The following BACH2 variants were observed in gnomAD, a reference collection of about 807,000 sequenced individuals.
BACH2 encodes BACH transcriptional regulator 2, also known as transcription regulator protein BACH2.
A neutral mutation model predicts 61.8 loss-of-function variants in BACH2; 5 were observed. The ratio of observed to expected loss-of-function variants is 0.08; its 90% confidence interval spans 0.04 to 0.17. The LOEUF (loss-of-function observed/expected upper bound fraction) is 0.17, where lower values mean the gene tolerates loss of function less well. BACH2 is among the 10% of genes least tolerant of loss of function. The pLI is 1.00. For synonymous variants in BACH2, 446 were observed against 440.1 expected (o/e 1.01, Z -0.17); for missense variants, 824 against 1,091.1 (o/e 0.76, Z 3.45).
intron 6 of BACH2, among the ~76,000 whole-genome samples, chr6:89,981,343 G>A (rs908489338): frequency 7.9e-5 from 12 of 151,658 alleles, no homozygotes; most frequent in East Asian, 1.9e-4. Context: ...GGGTTTCACC[G>A]TGTTAGCCAG....
At chr6:90,203,391 CAAAAAAAAAAAAA>C (rs34539345) in intron 4 of BACH2, among the ~76,000 whole-genome samples, 2 of 59,790 alleles carry the variant, frequency 3.3e-5, no homozygotes, top group South Asian at 1.7e-3. Context: ...TCTCTCTCTC[CAAAAAAAAAAAAA>C]AAAAAAAAAA....
intron 5 of BACH2, among the ~76,000 whole-genome samples, chr6:90,056,681 A>G (rs1780372915): frequency 6.6e-6 from 1 of 152,146 alleles, no homozygotes; most frequent in Admixed American, 6.5e-5. Context: ...TCTTTTCAGC[A>G]CCACACCACA....
intron 5 of BACH2, among the ~76,000 whole-genome samples, chr6:90,039,254 T>G (rs1779410750): frequency 6.6e-6 from 1 of 152,220 alleles, no homozygotes; most frequent in Non-Finnish European, 1.5e-5. Context: ...TCTTGTAATT[T>G]TGTACACATA....
At chr6:90,012,233 G>A (rs1777763203) in intron 5 of BACH2, among the ~76,000 whole-genome samples, 1 of 152,102 alleles carries the variant, frequency 6.6e-6, no homozygotes, top group Admixed American at 6.6e-5. Flanking sequence ...AATTTTCACT[G>A]AGATTGTACT....
intron 6 of BACH2, among the ~76,000 whole-genome samples, chr6:89,958,467 G>C (rs962614804): frequency 1.3e-5 from 2 of 152,212 alleles, no homozygotes; most frequent in Non-Finnish European, 2.9e-5. Flanking sequence ...CTGTAAGACA[G>C]GGATACTGAC....
In BACH2 at chr6:90,034,721, G is replaced by T. The variant is rs574362704; in HGVS notation, c.-12-25865C>A. ...AAAGGTTAGAGAGCTGTGGTAATTT[G>T]CTATGTCATCCTCAGCTATATTAAT... On this transcript the variant is annotated intron_variant, in intron 5 of 8. Coordinates refer to ENST00000257749, the MANE Select transcript of BACH2 (RefSeq NM_021813.4). Among the ~76,000 whole-genome samples the T allele has an allele frequency of 1.7e-3, 253 of 152,206 alleles. 2 individuals carry two copies. Among genetic ancestry groups the T allele is most frequent in the African/African-American group, 5.9e-3 (247 of 41,542 alleles).
chr6:90,018,368 T>C (rs1467234535), intron 5 of BACH2, among the ~76,000 whole-genome samples: 1 of 152,224 alleles, frequency 6.6e-6, no homozygotes, highest in Non-Finnish European at 1.5e-5. Flanking sequence ...CAGCCAGCTC[T>C]TCCTTGGTTC....
At chr6:90,189,675 G>C (rs888808307) in intron 4 of BACH2, among the ~76,000 whole-genome samples, 11 of 151,320 alleles carry the variant, frequency 7.3e-5, no homozygotes, top group Non-Finnish European at 1.3e-4. Flanking sequence ...TAAACAGCTG[G>C]ACAGGGGATG....
intron 5 of BACH2, among the ~76,000 whole-genome samples, chr6:90,012,607 C>T (rs139073714): frequency 0.011 from 1,566 of 148,978 alleles, 29 homozygotes; most frequent in African/African-American, 0.037. Flanking sequence ...CTAGCCTGGG[C>T]GACAGAGCAA....
At chr6:90,268,778 TATAAG>T (rs1489423374) in intron 2 of BACH2, among the ~76,000 whole-genome samples, 2 of 152,084 alleles carry the variant, frequency 1.3e-5, no homozygotes, top group East Asian at 3.8e-4. Flanking sequence ...AACATAGTAA[TATAAG>T]ATATTTAGGA....
rs535339911 is a variant in BACH2 at position 89,979,647 on chromosome 6, C to T, written c.244-27785G>A. Among the ~76,000 whole-genome samples, 18 of 152,250 alleles carry T rather than the reference C, an allele frequency of 1.2e-4. 1 individual carries two copies. The highest frequency in any genetic ancestry group is 4.3e-4 in the African/African-American group (18 of 41,544). On this transcript the variant is annotated intron_variant, in intron 6 of 8. Coordinates refer to ENST00000257749, the MANE Select transcript of BACH2 (RefSeq NM_021813.4). ...CATAGCCCTTCACTTATACCTAGACCATAGGATTAATTTCTGTCTCTCATT... is the reference window on the plus strand; with the variant it reads ...CATAGCCCTTCACTTATACCTAGACTATAGGATTAATTTCTGTCTCTCATT...
At chr6:90,273,824 C>A (rs1478802105) in intron 1 of BACH2, among the ~76,000 whole-genome samples, 1 of 152,276 alleles carries the variant, frequency 6.6e-6, no homozygotes, top group South Asian at 2.1e-4. Flanking sequence ...AGCTGGAGGT[C>A]TTGCTCTTTC....
rs907830607 is a variant in BACH2 at position 90,008,427 on chromosome 6, T to C, written c.243+175A>G. ...GAAAGATATTCACATTCTGTGCCTC[T>C]GAGACTTTAAGTGTATCAAATAGAA... On this transcript the variant is annotated intron_variant, in intron 6 of 8. Coordinates refer to ENST00000257749, the MANE Select transcript of BACH2 (RefSeq NM_021813.4). The surrounding 1 kb of genome is among the most constrained non-coding windows in gnomAD (Gnocchi z 4.1). Among the ~76,000 whole-genome samples, 1 of 152,238 alleles carries C rather than the reference T, an allele frequency of 6.6e-6. No individual in the cohort carries two copies. The highest frequency in any genetic ancestry group is 1.5e-5 in the Non-Finnish European group (1 of 68,044).
chr6:90,258,066 C>T (rs770014688), intron 2 of BACH2, among the ~76,000 whole-genome samples: 12 of 152,186 alleles, frequency 7.9e-5, no homozygotes, highest in Non-Finnish European at 1.3e-4. Context: ...TGAGCCACTG[C>T]GCCCAGCCCC....
chr6:90,271,692 A>G (rs1771530519), intron 2 of BACH2, among the ~76,000 whole-genome samples, 157 bp downstream of exon 2: 1 of 152,222 alleles, frequency 6.6e-6, no homozygotes, highest in Non-Finnish European at 1.5e-5. Context: ...ACGAGATACC[A>G]TCTTACTCCT....
intron 6 of BACH2, among the ~76,000 whole-genome samples, chr6:89,970,302 C>T (rs1485754351): frequency 2.0e-5 from 3 of 152,108 alleles, no homozygotes; most frequent in Non-Finnish European, 4.4e-5. Flanking sequence ...GAAGCGCCGC[C>T]GACAGGCTTT....
intron 6 of BACH2, among the ~76,000 whole-genome samples, chr6:89,978,576 A>T (rs745640690): frequency 4.7e-5 from 7 of 149,772 alleles, no homozygotes; most frequent in African/African-American, 9.9e-5. Flanking sequence ...GCTGTTTGCC[A>T]TCAGCTGGGG....
Position 90,228,644 on chromosome 6 carries a change from C to A in BACH2, c.-274-21963G>T, listed in dbSNP as rs1769993793. On this transcript the variant is annotated intron_variant, in intron 3 of 8. Transcript: ENST00000257749. ...CACCAAGCTATTCTGGAGGCTGAGG[C>A]AGGAGAATTGCTTGAACCCAGGAGG... is the stretch of plus-strand genomic sequence containing the variant. Among the ~76,000 whole-genome samples the A allele has an allele frequency of 2.0e-5, 3 of 152,262 alleles. No individual in the cohort carries two copies. In the South Asian group the frequency reaches 6.2e-4, roughly 32 times the overall value.
chr6:90,236,627 A>G (rs759093544), intron 3 of BACH2, among the ~76,000 whole-genome samples: 4 of 152,210 alleles, frequency 2.6e-5, no homozygotes, highest in Admixed American at 1.3e-4. Context: ...GCAAAGCAGG[A>G]GGCAGGTAAA....
Sources: allele counts gnomAD v4.1 joint callset (sites outside exome capture counted in the v4.1 genomes callset), GRCh38; gene constraint gnomAD v4.1.1; non-coding constraint Gnocchi (gnomAD v3.1); transcripts MANE v1.5; gene names NCBI Gene and HGNC (gene_info 2026-07-23, HGNC 2026-07-21).